RELN: variants seen among roughly 807,000 people sequenced by gnomAD.
RELN encodes the protein reelin.
Under a neutral mutation model 427.6 loss-of-function variants are expected in RELN, and 108 were observed. The observed-to-expected ratio is 0.25, with a 90% CI of 0.22 to 0.30. The LOEUF (loss-of-function observed/expected upper bound fraction) is 0.30. Among genes scored for constraint, RELN ranks in the 10% least tolerant of loss-of-function variants. The pLI is 1.00. For missense variants in RELN, 3,715 were observed against 4,302.8 expected (o/e 0.86, Z 3.82); for synonymous variants, 1,524 against 1,513.4 (o/e 1.01, Z -0.16).
rs139326865 is a variant in RELN at position 103,472,838 on chromosome 7, G to A, written c.10357C>T (p.Arg3453Ter). ...CATGGGTATCGCCTAAGTGACCTTC[G>A]TCTTCTGTTGTAGAAATGTCTGAGC... ...HGLRHFYNRRRRSLRRYP is the reference protein window; with the variant it reads ...HGLRHFYNRR Residue 3453 changes from arginine (R) to a stop codon, truncating the protein, a stop_gained, in exon 65 of 65, where the codon CGA (arginine) becomes TGA (stop). Coordinates refer to ENST00000428762, the MANE Select transcript of RELN (RefSeq NM_005045.4). LOFTEE classifies it high-confidence loss of function. 41 of 1,613,790 alleles carry A rather than the reference G, an allele frequency of 2.5e-5. No individual in the cohort carries two copies. Among genetic ancestry groups the A allele is most frequent in the African/African-American group, 1.5e-4 (11 of 75,020 alleles).
intron 51 of RELN, among the ~76,000 whole-genome samples, chr7:103,508,943 G>C (rs1030511729): frequency 6.6e-6 from 1 of 152,074 alleles, no homozygotes; most frequent in East Asian, 1.9e-4. Flanking sequence ...CAACTTACAA[G>C]GGATGTGAAG....
chr7:103,896,897 C>T (rs573643047), intron 2 of RELN, among the ~76,000 whole-genome samples: 1 of 152,036 alleles, frequency 6.6e-6, no homozygotes, highest in Non-Finnish European at 1.5e-5. Flanking sequence ...CTAATAAAGA[C>T]ATACCTGAGA....
chr7:103,701,099 T>G (rs1213024770), intron 8 of RELN, 93 bp from the exon 9 acceptor site: 6 of 787,504 alleles, frequency 7.6e-6, no homozygotes, highest in Non-Finnish European at 1.3e-5. Flanking sequence ...ATTTTTAAAC[T>G]ATTAGATATT....
rs60846683 is a variant in RELN, at chr7:103,491,823, GTCTCTCTC to G, written c.9443+122_9443+129del. 1,959 of 427,224 alleles carry G rather than the reference GTCTCTCTC, an allele frequency of 4.6e-3. 9 individuals carry two copies. Among genetic ancestry groups the G allele is most frequent in the African/African-American group, 0.016 (640 of 40,284 alleles). 26.5% of individuals were successfully genotyped at this position (427,224 alleles called of 1,614,324 possible). A position where few individuals can be genotyped will look rare whatever the true frequency, so the allele number is the denominator to read the frequency against. ...CAGCCTGGGCAACAAGAGCGAAACT[GTCTCTCTC>G]TCTCTCTCTCTCTCTCTCTCTCTCT... On this transcript the variant is annotated intron_variant, in intron 58 of 64. Coordinates refer to ENST00000428762, the MANE Select transcript of RELN (RefSeq NM_005045.4).
intron 6 of RELN, among the ~76,000 whole-genome samples, chr7:103,736,024 C>G (rs1584448080): frequency 6.6e-6 from 1 of 152,230 alleles, no homozygotes; most frequent in East Asian, 1.9e-4. Context: ...GTGTCTGCAC[C>G]CCCAGGTACG....
intron 20 of RELN, among the ~76,000 whole-genome samples, chr7:103,629,023 C>T (rs957391783): frequency 6.6e-6 from 1 of 152,182 alleles, no homozygotes; most frequent in Admixed American, 6.5e-5. Context: ...TCACTCTCGC[C>T]TGGGGGAACT....
intron 12 of RELN, among the ~76,000 whole-genome samples, chr7:103,658,201 G>A (rs1833063703): frequency 6.6e-6 from 1 of 152,086 alleles, no homozygotes; most frequent in Admixed American, 6.6e-5. Flanking sequence ...AAAGAAAATA[G>A]ACGTTGAACT....
intron 8 of RELN, among the ~76,000 whole-genome samples, chr7:103,719,831 C>T (rs531032416): frequency 3.9e-5 from 6 of 152,212 alleles, no homozygotes; most frequent in South Asian, 4.2e-4. Flanking sequence ...GGTAGCAAAT[C>T]GATGTCTCAG....
At chr7:103,690,001 T>C (rs1233752993) in intron 10 of RELN, among the ~76,000 whole-genome samples, 1 of 152,138 alleles carries the variant, frequency 6.6e-6, no homozygotes, top group East Asian at 1.9e-4. Context: ...ATCCAGGGTT[T>C]TTACAGACAC....
chr7:103,776,677 G>A (rs755829672), intron 3 of RELN, 50 bp from the exon 4 acceptor site: 8 of 1,580,100 alleles, frequency 5.1e-6, no homozygotes, highest in Middle Eastern at 3.3e-4. Context: ...TATGTTTGGT[G>A]AAAATGTATG....
At chr7:103,729,988 G>C (rs964185738) in intron 6 of RELN, among the ~76,000 whole-genome samples, 2 of 151,966 alleles carry the variant, frequency 1.3e-5, no homozygotes, top group Admixed American at 6.6e-5. Flanking sequence ...AACTGATTGG[G>C]ATTGTGATAA....
In RELN at chr7:103,498,031, A is replaced by G. The variant is rs750532965; in HGVS notation, c.8843+46T>C. The G allele has an allele frequency of 3.1e-6, 5 of 1,607,392 alleles. No individual in the cohort carries two copies. In the Middle Eastern group the frequency reaches 6.6e-4, roughly 213 times the overall value. On this transcript the variant is annotated intron_variant, in intron 54 of 64. Transcript: ENST00000428762. ...TACAAGTGTTCCTTGCTTTGGGACC[A>G]ATTTGCTATGGTGCAATAGAAATAA...
intron 2 of RELN, among the ~76,000 whole-genome samples, chr7:103,848,227 T>C (rs182433723): frequency 6.6e-6 from 1 of 152,316 alleles, no homozygotes; most frequent in East Asian, 1.9e-4. Context: ...CCTGTTTAAA[T>C]GGAAATTTTG....
At chr7:103,904,073 T>C (rs1160629437) in intron 2 of RELN, among the ~76,000 whole-genome samples, 2 of 152,266 alleles carry the variant, frequency 1.3e-5, no homozygotes, top group African/African-American at 4.8e-5. Flanking sequence ...TCTCATTTGT[T>C]CAACTCCCAC....
rs528553082 is a variant in RELN, at chr7:103,975,841, C to T, written c.226+13290G>A. The stretch of plus-strand genomic sequence containing the variant: ...GATTACAGGCGTGAGCCACCGCACC[C>T]GGCCGGAATGGAGCAGTTTTAAATG... On this transcript the variant is annotated intron_variant, in intron 1 of 64. Transcript: ENST00000428762. Among the ~76,000 whole-genome samples the T allele has an allele frequency of 6.6e-5, 10 of 151,896 alleles. No individual in the cohort carries two copies. The South Asian group carries it at 8.3e-4, about 13-fold the overall frequency.
chr7:103,806,076 T>C lies in RELN; in HGVS notation c.473+27461A>G, dbSNP rs530797381. Among the ~76,000 whole-genome samples, 3 of 152,354 alleles carry C rather than the reference T, an allele frequency of 2.0e-5. No individual in the cohort carries two copies. The South Asian group carries it at 6.2e-4, about 32-fold the overall frequency. ...GCTCTACGCATTGGTAAGGAAAATA[T>C]AGTATGTATTTTTAGAGAAATCTAA... On this transcript the variant is annotated intron_variant, in intron 3 of 64. Coordinates refer to ENST00000428762, the MANE Select transcript of RELN (RefSeq NM_005045.4).
chr7:103,728,071 T>C, intron 7 of RELN, 40 bp downstream of exon 7: 2 of 1,596,852 alleles, frequency 1.3e-6, no homozygotes, highest in Non-Finnish European at 1.7e-6. Context: ...GCTCAGTAAA[T>C]ACTATAATGG....
chr7:103,910,551 C>T (rs1795342015), intron 2 of RELN, among the ~76,000 whole-genome samples: 1 of 148,538 alleles, frequency 6.7e-6, no homozygotes, highest in African/African-American at 2.5e-5. Context: ...CCAAGTCAAT[C>T]CTAAGCCAAA....
intron 19 of RELN, among the ~76,000 whole-genome samples, chr7:103,634,454 G>T (rs1170246456): frequency 6.6e-6 from 1 of 152,094 alleles, no homozygotes; most frequent in Non-Finnish European, 1.5e-5. Flanking sequence ...GGATCTTTTA[G>T]ACACACCTAA....
Sources: gnomAD v4.1 joint callset for allele counts (sites outside exome capture counted in the v4.1 genomes callset) on GRCh38, gnomAD v4.1.1 for gene constraint, MANE v1.5 for transcripts, NCBI Gene and HGNC (gene_info 2026-07-23, HGNC 2026-07-21) for gene names.